Variants in GALNT18 observed in about 807,000 individuals in gnomAD.
GALNT18 encodes GalNAc-transferase 18.
Under a neutral mutation model 69.5 loss-of-function variants are expected in GALNT18, and 44 were observed. The ratio of observed to expected loss-of-function variants is 0.63; its 90% CI spans 0.50 to 0.81. The LOEUF is 0.81. Ranked by LOEUF, GALNT18 falls within the 40% of genes least tolerant of loss-of-function variation. The probability of loss-of-function intolerance (pLI) is 0.00; values close to 1 mark genes in which losing one functional copy is unlikely to be tolerated. For synonymous variants in GALNT18, 364 were observed against 318.2 expected (o/e 1.14, Z -1.53); for missense variants, 715 against 810.0 (o/e 0.88, Z 1.42).
In GALNT18 at chr11:11,352,195, G is replaced by A. The variant is rs572288829; in HGVS notation, c.1093-11191C>T. 2.4e-5 allele frequency: 39 copies of A among 1,613,818 alleles called. No individual in the cohort carries two copies. The South Asian group carries it at 4.1e-4, about 17-fold the overall frequency. ...TCTCTTGCAGTAAGCCGTGACTGGT[G>A]GTCATATCGCAGCAGTTTGTCCAGG... On this transcript the variant is annotated intron_variant, in intron 6 of 10. Coordinates refer to ENST00000227756, the MANE Select transcript of GALNT18 (RefSeq NM_198516.3).
intron 1 of GALNT18, among the ~76,000 whole-genome samples, chr11:11,570,551 T>C (rs990011600): frequency 5.9e-5 from 9 of 152,364 alleles, no homozygotes; most frequent in Non-Finnish European, 1.2e-4. Context: ...AGAAAGCTTT[T>C]TTCCACAATT....
At position 11,573,923 on chromosome 11, in the gene GALNT18, A is replaced by T. The variant is rs1858858432; in HGVS notation, c.235+47436T>A. ...TTGAGGGGTCATTCATTCTATCAACATCTCATTATAGAAGGCAGAGTTCAG... is the reference window on the plus strand; with the variant it reads ...TTGAGGGGTCATTCATTCTATCAACTTCTCATTATAGAAGGCAGAGTTCAG... On this transcript the variant is annotated intron_variant, in intron 1 of 10. Coordinates refer to ENST00000227756, the MANE Select transcript of GALNT18 (RefSeq NM_198516.3). The surrounding 1 kb of genome is among the most constrained non-coding windows in gnomAD (Gnocchi z 4.6). The T allele has an allele frequency of 6.6e-6, 1 of 152,136 alleles. No homozygotes were observed. The highest frequency in any genetic ancestry group is 2.1e-4 in the South Asian group (1 of 4,826). The allele number at this position is 152,136 out of a possible 1,614,324, so 9.4% of individuals were successfully genotyped here. A position where few individuals can be genotyped will look rare whatever the true frequency, so the allele number is the denominator to read the frequency against.
chr11:11,320,928 G>C lies in GALNT18; in HGVS notation c.1512+6158C>G, dbSNP rs1187770853. 6.6e-6 allele frequency among the ~76,000 whole-genome samples: 1 copy of C among 152,188 alleles called. No homozygotes were observed. Among genetic ancestry groups the C allele is most frequent in the Non-Finnish European group, 1.5e-5 (1 of 68,040 alleles). ...ACAGCACTGCTAGTTGTGCATCTGA[G>C]CATGGCCTGGCGTGAAAGGTCACCA... On this transcript the variant is annotated intron_variant, in intron 9 of 10. Transcript: ENST00000227756. This position sits in a 1 kb window ranked among gnomAD's most constrained non-coding sequence, Gnocchi z 4.9.
chr11:11,348,404 G>T (rs1398519561), intron 6 of GALNT18, among the ~76,000 whole-genome samples: 5 of 143,036 alleles, frequency 3.5e-5, no homozygotes, highest in Admixed American at 2.1e-4. Context: ...AAAAAAAAAA[G>T]GAAGAGAGGT....
chr11:11,274,983 T>C (rs867628743), intron 10 of GALNT18, among the ~76,000 whole-genome samples: 10 of 152,260 alleles, frequency 6.6e-5, no homozygotes, highest in African/African-American at 2.2e-4. Context: ...GTCTTTGCTA[T>C]TGTGAATACT....
At chr11:11,566,965 C>T (rs1019452696) in intron 1 of GALNT18, among the ~76,000 whole-genome samples, 4 of 152,172 alleles carry the variant, frequency 2.6e-5, no homozygotes, top group African/African-American at 9.7e-5. Flanking sequence ...ATGAGTGCAG[C>T]TTCCTGGATC....
intron 8 of GALNT18, among the ~76,000 whole-genome samples, chr11:11,330,921 G>T (rs1850007503): frequency 6.6e-6 from 1 of 152,208 alleles, no homozygotes; most frequent in Non-Finnish European, 1.5e-5. Flanking sequence ...CTGACAGCCT[G>T]CTGAGAACAT....
At chr11:11,611,539 C>T (rs1859900183) in intron 1 of GALNT18, among the ~76,000 whole-genome samples, 1 of 152,210 alleles carries the variant, frequency 6.6e-6, no homozygotes, top group Admixed American at 6.5e-5. Flanking sequence ...ACAGAGAATT[C>T]ACCACTGTGA....
rs1854318771 is a variant in GALNT18 at position 11,396,053 on chromosome 11, T to C, written c.596-16789A>G. Among the ~76,000 whole-genome samples the C allele has an allele frequency of 6.6e-6, 1 of 152,132 alleles. No homozygotes were observed. The highest frequency in any genetic ancestry group is 1.5e-5 in the Non-Finnish European group (1 of 68,018). Reference sequence around the variant, plus strand: ...ATTTTCCTGGGGTACAGCTGAGCCTTACCCAGCAACAACCACTTCCCTCTG... The same window carrying C: ...ATTTTCCTGGGGTACAGCTGAGCCTCACCCAGCAACAACCACTTCCCTCTG... On this transcript the variant is annotated intron_variant, in intron 3 of 10. Transcript: ENST00000227756. The surrounding 1 kb of genome is among the most constrained non-coding windows in gnomAD (Gnocchi z 5.2).
In GALNT18 at chr11:11,621,613, A is replaced by G. The variant is rs1420500618; in HGVS notation, c.-20T>C. 6.5e-7 allele frequency: 1 copy of G among 1,543,344 alleles called. No homozygotes were observed. The highest frequency in any genetic ancestry group is 1.4e-5 in the African/African-American group (1 of 72,950). On this transcript the variant is annotated 5_prime_UTR_variant, in exon 1 of 11. Coordinates refer to ENST00000227756, the MANE Select transcript of GALNT18 (RefSeq NM_198516.3). The surrounding 1 kb of genome is among the most constrained non-coding windows in gnomAD (Gnocchi z 9.3). ...CACCATTCTGGGCTCCTTCCTCCAT[A>G]TAGAGCTCCCGGGGGCCCTTCCTTG...
chr11:11,295,064 C>T lies in GALNT18; in HGVS notation c.1513-1871G>A, dbSNP rs570615070. On this transcript the variant is annotated intron_variant, in intron 9 of 10. Transcript: ENST00000227756. ...AGCAAAAGAGGGTGGTTGACAACTA[C>T]TTTTTAAACCTGTGTGCTAGGCCAT... 2.1e-3 allele frequency among the ~76,000 whole-genome samples: 321 copies of T among 152,302 alleles called. 1 individual carries two copies. The highest frequency in any genetic ancestry group is 3.6e-3 in the Non-Finnish European group (247 of 68,030).
At chr11:11,569,230 T>C (rs6484999) in intron 1 of GALNT18, among the ~76,000 whole-genome samples, 121,066 of 147,904 alleles carry the variant, frequency 0.82, 49,448 homozygotes, top group East Asian at 0.88. Flanking sequence ...GATTATTAGA[T>C]TTTGGAAGGC....
At chr11:11,287,989 C>A (rs1019961953) in intron 10 of GALNT18, among the ~76,000 whole-genome samples, 7 of 152,172 alleles carry the variant, frequency 4.6e-5, no homozygotes, top group African/African-American at 1.7e-4. Context: ...CCTGTGGCAA[C>A]CAAGTCCTCC....
At chr11:11,554,804 A>G (rs745643183) in intron 1 of GALNT18, among the ~76,000 whole-genome samples, 1 of 152,118 alleles carries the variant, frequency 6.6e-6, no homozygotes, top group Non-Finnish European at 1.5e-5. Context: ...ACTTATGGAA[A>G]GTGTCAGGGG....
intron 3 of GALNT18, among the ~76,000 whole-genome samples, chr11:11,392,738 A>C (rs1309538652): frequency 6.6e-6 from 1 of 152,258 alleles, no homozygotes; most frequent in African/African-American, 2.4e-5. Flanking sequence ...TTTCACACAC[A>C]ATCCCCATTC....
Position 11,596,024 on chromosome 11 carries a change from A to G in GALNT18, c.235+25335T>C, listed in dbSNP as rs1859491385. ...TAAGAGTTCTATGATTTTATCTCTT[A>G]TATTTAGTTCTATGATCCATTTTGA... On this transcript the variant is annotated intron_variant, in intron 1 of 10. Transcript: ENST00000227756. The surrounding 1 kb of genome is among the most constrained non-coding windows in gnomAD (Gnocchi z 4.2). 6.6e-6 allele frequency among the ~76,000 whole-genome samples: 1 copy of G among 152,114 alleles called. No homozygotes were observed. Among genetic ancestry groups the G allele is most frequent in the Non-Finnish European group, 1.5e-5 (1 of 68,018 alleles).
chr11:11,302,901 A>T (rs571449093), intron 9 of GALNT18, among the ~76,000 whole-genome samples: 10 of 152,344 alleles, frequency 6.6e-5, no homozygotes, highest in African/African-American at 2.4e-4. Context: ...GAAGACCATC[A>T]TCAGATGTGG....
intron 3 of GALNT18, among the ~76,000 whole-genome samples, chr11:11,412,904 C>T (rs10831609): frequency 0.53 from 80,171 of 152,032 alleles, 25,075 homozygotes; most frequent in Non-Finnish European, 0.72. Context: ...AATTAACACC[C>T]CCAGAAAGCA....
At position 11,413,654 on chromosome 11, in the gene GALNT18, C is replaced by T. The variant is rs1854783254; in HGVS notation, c.595+18967G>A. Among the ~76,000 whole-genome samples, 1 of 152,142 alleles carries T rather than the reference C, an allele frequency of 6.6e-6. No individual in the cohort carries two copies. On this transcript the variant is annotated intron_variant, in intron 3 of 10. Coordinates refer to ENST00000227756, the MANE Select transcript of GALNT18 (RefSeq NM_198516.3). This position sits in a 1 kb window ranked among gnomAD's most constrained non-coding sequence, Gnocchi z 4.7. ...CTGGGTCTGTGGCTGCACCCGGGGC[C>T]CCAGCATGGAGCAGAGGGAGTCTGG...
Sources: gnomAD v4.1 joint callset for allele counts (sites outside exome capture counted in the v4.1 genomes callset) on GRCh38, gnomAD v4.1.1 for gene constraint, Gnocchi (gnomAD v3.1) non-coding constraint, MANE v1.5 for transcripts, NCBI Gene and HGNC (gene_info 2026-07-23, HGNC 2026-07-21) for gene names.